Variants in NCOR1 observed in about 807,000 individuals in gnomAD.
NCOR1 encodes protein phosphatase 1, regulatory subunit 109.
A neutral mutation model predicts 288.1 loss-of-function variants in NCOR1; 63 were observed. The observed-to-expected ratio is 0.22, with a 90% CI of 0.18 to 0.27. NCOR1 has a LOEUF of 0.27. Ranked by LOEUF, NCOR1 falls within the 10% of genes least tolerant of loss-of-function variation. The pLI is 1.00. For synonymous variants in NCOR1, 1,007 were observed against 1,065.9 expected, an observed-to-expected ratio of 0.94 and a Z score of 1.08; for missense variants, 2,397 against 3,019.2, an observed-to-expected ratio of 0.79 and a Z score of 4.83.
intron 40 of NCOR1, 124 bp downstream of exon 40, chr17:16,057,390 A>G (rs1252611589): frequency 1.1e-5 from 10 of 932,200 alleles, no homozygotes; most frequent in Non-Finnish European, 1.6e-5. Context: ...AAGCTCATTT[A>G]CACTTTCCTG....
chr17:16,127,379 A>G (rs62650876), intron 14 of NCOR1, among the ~76,000 whole-genome samples: 7,826 of 34,314 alleles, frequency 0.23, 3,211 homozygotes, highest in African/African-American at 0.4. Context: ...GTATGTATAT[A>G]TGTATGTATA....
intron 21 of NCOR1, among the ~76,000 whole-genome samples, chr17:16,095,857 T>C (rs2066500989): frequency 6.6e-6 from 1 of 151,910 alleles, no homozygotes; most frequent in South Asian, 2.1e-4. Flanking sequence ...CGGGCCATGA[T>C]GACGATGGCG....
chr17:16,053,198 G>A (rs1452321853), intron 40 of NCOR1, among the ~76,000 whole-genome samples: 3 of 152,162 alleles, frequency 2.0e-5, no homozygotes, highest in African/African-American at 7.2e-5. Flanking sequence ...TGACCAGGGT[G>A]ATCAGGCAAG....
At chr17:16,164,066 G>A (rs1599718680) in intron 5 of NCOR1, among the ~76,000 whole-genome samples, 1 of 152,078 alleles carries the variant, frequency 6.6e-6, no homozygotes, top group Non-Finnish European at 1.5e-5. Flanking sequence ...GAATTAGAGA[G>A]TGGTGATAGC....
chr17:16,134,938 T>A (rs2076169666), intron 14 of NCOR1, among the ~76,000 whole-genome samples: 1 of 152,184 alleles, frequency 6.6e-6, no homozygotes, highest in African/African-American at 2.4e-5. Context: ...GGCGGGCAGA[T>A]CACGAGGTCA....
chr17:16,115,326 C>T (rs2071362969), intron 18 of NCOR1, among the ~76,000 whole-genome samples: 1 of 152,202 alleles, frequency 6.6e-6, no homozygotes, highest in African/African-American at 2.4e-5. Flanking sequence ...CTCTGACATG[C>T]TGTGAAGAAA....
At chr17:16,205,644 A>AG (rs1491280821) in intron 1 of NCOR1, among the ~76,000 whole-genome samples, 1 of 23,140 alleles carries the variant, frequency 4.3e-5, no homozygotes, top group Non-Finnish European at 8.6e-5. Context: ...AGAAAAGAAG[A>AG]AAAAAAAAAA....
Position 16,142,656 on chromosome 17 carries a change from G to A in NCOR1, c.1173+950C>T, listed in dbSNP as rs551759673. Among the ~76,000 whole-genome samples the A allele has an allele frequency of 2.6e-5, 4 of 152,304 alleles. No homozygotes were observed. In the South Asian group the frequency reaches 8.3e-4, roughly 32 times the overall value. On this transcript the variant is annotated intron_variant, in intron 11 of 45. Coordinates refer to ENST00000268712, the MANE Select transcript of NCOR1 (RefSeq NM_006311.4). ...GGTTTAAAATAACCGCACTCATGAAGATGACACTTTAGCTGATCATAAATA... is the reference window on the plus strand; with the variant it reads ...GGTTTAAAATAACCGCACTCATGAAAATGACACTTTAGCTGATCATAAATA...
chr17:16,127,362 TATAC>T (rs1403385562), intron 14 of NCOR1, among the ~76,000 whole-genome samples: 3 of 141,154 alleles, frequency 2.1e-5, no homozygotes, highest in East Asian at 2.0e-4. Flanking sequence ...TGTATGTATA[TATAC>T]ATGTATGTAT....
Position 16,108,922 on chromosome 17 carries a change from G to C in NCOR1, c.2056-10C>G, listed in dbSNP as rs200551216. On this transcript the variant is annotated splice_polypyrimidine_tract_variant and intron_variant, in intron 18 of 45. Coordinates refer to ENST00000268712, the MANE Select transcript of NCOR1 (RefSeq NM_006311.4). ...GAGGTTTTCGTGAAGTCTAAAGGAG[G>C]AAAGAGTATTATTTGATTTAAATAA... 2.6e-6 allele frequency: 4 copies of C among 1,543,962 alleles called. No individual in the cohort carries two copies. The highest frequency in any genetic ancestry group is 3.5e-6 in the Non-Finnish European group (4 of 1,149,320).
At chr17:16,042,429 C>T (rs1245536875) in intron 42 of NCOR1, among the ~76,000 whole-genome samples, 2 of 152,126 alleles carry the variant, frequency 1.3e-5, no homozygotes, top group African/African-American at 4.8e-5. Flanking sequence ...AGATACTGCA[C>T]TTGCAGGATA....
rs1256421434 is a variant in NCOR1, at chr17:16,062,270, C to A, written c.5222G>T (p.Gly1741Val). Residue 1741 changes from glycine (G) to valine (V), a missense_variant and splice_region_variant, in exon 36 of 46, where the codon GGC (glycine) becomes GTC (valine). Gly to Val is a moderately radical substitution (Grantham distance 109). This residue lies in a region of NCOR1 where 1,872 missense variants were observed against 2,187.8 expected (regional missense o/e 0.86). Transcript: ENST00000268712. ...AASSDLYLRP[G>V]SEQPGRPGSH... is the part of the protein sequence containing the mutation. Reference sequence around the variant, plus strand: ...GCCAGGTCGGCCAGGCTGTTCTGAGCCTGCAGAGGTGAAAAAGAGAAAGAA... The same window carrying A: ...GCCAGGTCGGCCAGGCTGTTCTGAGACTGCAGAGGTGAAAAAGAGAAAGAA... The A allele has an allele frequency of 1.3e-6, 2 of 1,582,412 alleles. No individual in the cohort carries two copies. Among genetic ancestry groups the A allele is most frequent in the Non-Finnish European group, 1.7e-6 (2 of 1,171,492 alleles).
chr17:16,184,821 T>C (rs178821), intron 3 of NCOR1, among the ~76,000 whole-genome samples: 87,592 of 151,768 alleles, frequency 0.58, 25,849 homozygotes, highest in African/African-American at 0.66. Context: ...ATCTAAGTGT[T>C]TGTCAATGAA....
intron 40 of NCOR1, among the ~76,000 whole-genome samples, chr17:16,052,261 T>TG (rs2059410600): frequency 6.6e-6 from 1 of 151,952 alleles, no homozygotes; most frequent in South Asian, 2.1e-4. Flanking sequence ...CCTGACCTCG[T>TG]GATCTGCCTG....
chr17:16,124,105 C>T (rs73981460), intron 15 of NCOR1, among the ~76,000 whole-genome samples: 1 of 152,070 alleles, frequency 6.6e-6, no homozygotes, highest in Non-Finnish European at 1.5e-5. Flanking sequence ...GTATCTTCCT[C>T]AGGTATAAAA....
At chr17:16,108,376 G>A (rs1262493585) in intron 19 of NCOR1, 3 of 184,442 alleles carry the variant, frequency 1.6e-5, no homozygotes, top group South Asian at 9.0e-5. Context: ...GTGCTTCTAA[G>A]GTCACTAATT....
intron 1 of NCOR1, among the ~76,000 whole-genome samples, chr17:16,196,741 C>T (rs1262629692): frequency 2.1e-5 from 3 of 146,292 alleles, no homozygotes; most frequent in South Asian, 2.2e-4. Context: ...AGGAGAATGG[C>T]GTGAACCCGG....
chr17:16,163,770 T>C (rs2081385127), intron 5 of NCOR1, among the ~76,000 whole-genome samples: 1 of 152,160 alleles, frequency 6.6e-6, no homozygotes, highest in Non-Finnish European at 1.5e-5. Flanking sequence ...CATCAACTAA[T>C]GAATGGATAA....
intron 5 of NCOR1, among the ~76,000 whole-genome samples, chr17:16,160,763 G>T (rs1016428776): frequency 1.3e-5 from 2 of 152,126 alleles, no homozygotes; most frequent in African/African-American, 4.8e-5. Flanking sequence ...TTGCACTCCA[G>T]CCTGGGCGAC....
Sources: allele counts gnomAD v4.1 joint callset (sites outside exome capture counted in the v4.1 genomes callset), GRCh38; gene constraint gnomAD v4.1.1; regional missense constraint gnomAD v4.1.1; transcripts MANE v1.5; gene names NCBI Gene and HGNC (gene_info 2026-07-23, HGNC 2026-07-21).